The following EDIL3 variants were observed in gnomAD, a reference collection of about 807,000 sequenced individuals.
The protein encoded by EDIL3 is EGF-like repeat and discoidin I-like domain-containing protein 3.
Under a neutral mutation model 67.4 loss-of-function variants are expected in EDIL3, and 37 were observed. That is an observed-to-expected ratio of 0.55 (90% confidence interval 0.42 to 0.72). EDIL3 has a LOEUF of 0.72. Among genes scored for constraint, EDIL3 ranks in the 30% least tolerant of loss-of-function variants. The probability of loss-of-function intolerance (pLI) is 0.00; values close to 1 mark genes in which losing one functional copy is unlikely to be tolerated. For missense variants in EDIL3, 527 were observed against 586.3 expected, an observed-to-expected ratio of 0.90 and a Z score of 1.04; for synonymous variants, 195 against 196.3, an observed-to-expected ratio of 0.99 and a Z score of 0.05.
intron 5 of EDIL3, among the ~76,000 whole-genome samples, chr5:84,125,382 A>G (rs1391163649): frequency 6.6e-6 from 1 of 152,032 alleles, no homozygotes; most frequent in African/African-American, 2.4e-5. Context: ...TTTAGACGAT[A>G]AGTCATTTCT....
intron 4 of EDIL3, among the ~76,000 whole-genome samples, chr5:84,160,966 C>T (rs149194597): frequency 6.6e-6 from 1 of 151,592 alleles, no homozygotes; most frequent in African/African-American, 2.4e-5. Flanking sequence ...TGTACAGTAC[C>T]CATTATGTAG....
At chr5:84,304,368 G>C (rs566247557) in intron 1 of EDIL3, among the ~76,000 whole-genome samples, 1 of 152,304 alleles carries the variant, frequency 6.6e-6, no homozygotes, top group South Asian at 2.1e-4. Context: ...GTGTGAGCTG[G>C]AGTATGGAGC....
intron 1 of EDIL3, among the ~76,000 whole-genome samples, chr5:84,258,962 C>T (rs1745171996): frequency 7.3e-6 from 1 of 137,538 alleles, no homozygotes; most frequent in African/African-American, 2.7e-5. Context: ...TGGATATGTT[C>T]GTAGAGTCTT....
intron 1 of EDIL3, among the ~76,000 whole-genome samples, chr5:84,360,791 A>C (rs1024543160): frequency 1.3e-5 from 2 of 152,090 alleles, no homozygotes; most frequent in African/African-American, 4.8e-5. Flanking sequence ...AACTGAGGAG[A>C]CAGTGGGTGT....
chr5:84,269,189 A>G (rs1745411960), intron 1 of EDIL3, among the ~76,000 whole-genome samples: 1 of 152,142 alleles, frequency 6.6e-6, no homozygotes, highest in South Asian at 2.1e-4. Flanking sequence ...GCTTTGCAAT[A>G]TGTCTCAGAG....
chr5:83,984,512 T>C (rs893599742), intron 9 of EDIL3, among the ~76,000 whole-genome samples: 1 of 152,054 alleles, frequency 6.6e-6, no homozygotes, highest in Non-Finnish European at 1.5e-5. Flanking sequence ...AACAAATCAA[T>C]AGTGCAGCAA....
Position 84,023,803 on chromosome 5 carries a change from T to TA in EDIL3, c.1137+36496dup, listed in dbSNP as rs537159054. Among the ~76,000 whole-genome samples, 161 of 152,212 alleles carry TA rather than the reference T, an allele frequency of 1.1e-3. 1 individual carries two copies. The highest frequency in any genetic ancestry group is 3.7e-3 in the African/African-American group (154 of 41,552). ...GACCCATTTACTAACTGACATGGGG[T>TA]AAAATGACAAATTATCTCATTATTA... On this transcript the variant is annotated intron_variant, in intron 9 of 10. Coordinates refer to ENST00000296591, the MANE Select transcript of EDIL3 (RefSeq NM_005711.5).
intron 9 of EDIL3, among the ~76,000 whole-genome samples, chr5:83,998,252 C>G (rs1009002019): frequency 6.6e-6 from 1 of 152,106 alleles, no homozygotes; most frequent in Non-Finnish European, 1.5e-5. Context: ...GCAACTTGGA[C>G]ATAGTAAAAT....
chr5:84,060,833 T>C (rs1302020407), intron 8 of EDIL3, among the ~76,000 whole-genome samples: 1 of 152,218 alleles, frequency 6.6e-6, no homozygotes, highest in Non-Finnish European at 1.5e-5. Flanking sequence ...TCCCCAGTTT[T>C]CAACAGTTTC....
At chr5:84,072,273 G>T (rs1746753387) in intron 6 of EDIL3, among the ~76,000 whole-genome samples, 1 of 152,104 alleles carries the variant, frequency 6.6e-6, no homozygotes, top group Admixed American at 6.5e-5. Context: ...CATATTGATA[G>T]ATAAAACACA....
intron 1 of EDIL3, among the ~76,000 whole-genome samples, chr5:84,312,452 G>C (rs1184110924): frequency 6.9e-6 from 1 of 145,264 alleles, no homozygotes; most frequent in African/African-American, 2.6e-5. Flanking sequence ...TCCCAGTAGG[G>C]GCGGCCGGGC....
intron 9 of EDIL3, among the ~76,000 whole-genome samples, chr5:83,977,988 T>A (rs1744903435): frequency 6.6e-6 from 1 of 151,788 alleles, no homozygotes; most frequent in African/African-American, 2.4e-5. Context: ...TCCAACAACC[T>A]CTTGTCTTAA....
At chr5:84,262,960 C>T (rs78875571) in intron 1 of EDIL3, among the ~76,000 whole-genome samples, 4,930 of 151,854 alleles carry the variant, frequency 0.032, 112 homozygotes, top group Non-Finnish European at 0.048. Context: ...CATGAGCCAC[C>T]GCGCCCCTGG....
chr5:84,331,998 C>T (rs544353211), intron 1 of EDIL3, among the ~76,000 whole-genome samples: 5 of 152,280 alleles, frequency 3.3e-5, no homozygotes, highest in African/African-American at 9.6e-5. Flanking sequence ...CTGTAAGCTT[C>T]TCCAGCCAAT....
At position 84,190,068 on chromosome 5, in the gene EDIL3, T is replaced by C. The variant is rs115849830; in HGVS notation, c.227-9547A>G. Among the ~76,000 whole-genome samples the C allele has an allele frequency of 4.3e-3, 655 of 152,048 alleles. 3 individuals carry two copies. The highest frequency in any genetic ancestry group is 7.3e-3 in the Non-Finnish European group (497 of 67,930). On this transcript the variant is annotated intron_variant, in intron 3 of 10. Coordinates refer to ENST00000296591, the MANE Select transcript of EDIL3 (RefSeq NM_005711.5). ...AAATCTTTGGCCAGTGGGATAAACA[T>C]GAACACCCCTATAATCTAAGAGAAA... is the stretch of plus-strand genomic sequence containing the variant.
chr5:84,144,764 T>C (rs568327558), intron 4 of EDIL3, among the ~76,000 whole-genome samples: 116 of 152,276 alleles, frequency 7.6e-4, no homozygotes, highest in Non-Finnish European at 1.3e-3. Context: ...ATTTATACAA[T>C]TGCATATTTT....
chr5:84,230,436 T>A (rs1744550300), intron 2 of EDIL3, among the ~76,000 whole-genome samples: 1 of 151,826 alleles, frequency 6.6e-6, no homozygotes, highest in South Asian at 2.1e-4. Context: ...AGATGGAGTT[T>A]CACTCTTGTT....
chr5:84,049,835 A>G (rs1486344373), intron 9 of EDIL3, among the ~76,000 whole-genome samples: 1 of 152,100 alleles, frequency 6.6e-6, no homozygotes. Context: ...GTCCCGATAG[A>G]AATAGCATAA....
At chr5:84,116,022 C>G (rs1747656540) in intron 5 of EDIL3, among the ~76,000 whole-genome samples, 1 of 152,128 alleles carries the variant, frequency 6.6e-6, no homozygotes, top group Non-Finnish European at 1.5e-5. Flanking sequence ...GGTTATAAAG[C>G]AATATTACTG....
Sources: allele counts gnomAD v4.1 joint callset (sites outside exome capture counted in the v4.1 genomes callset), GRCh38; gene constraint gnomAD v4.1.1; transcripts MANE v1.5; gene names NCBI Gene and HGNC (gene_info 2026-07-23, HGNC 2026-07-21).